Variants in BRINP3 observed in about 807,000 individuals in gnomAD.
BRINP3 encodes BMP/retinoic acid inducible neural specific 3, also known as BMP/retinoic acid-inducible neural-specific protein 3.
In BRINP3, 19 loss-of-function variants were observed where a neutral mutation model predicts 71.0. The ratio of observed to expected loss-of-function variants is 0.27; its 90% confidence interval spans 0.19 to 0.39. The LOEUF (loss-of-function observed/expected upper bound fraction) is 0.39. Ranked by LOEUF, BRINP3 falls within the 10% of genes least tolerant of loss-of-function variation. The pLI is 1.00. For synonymous variants in BRINP3, 380 were observed against 337.7 expected, an observed-to-expected ratio of 1.13 and a Z score of -1.37; for missense variants, 959 against 940.8, an observed-to-expected ratio of 1.02 and a Z score of -0.25.
At chr1:190,199,487 G>A (rs1654793071) in intron 6 of BRINP3, among the ~76,000 whole-genome samples, 1 of 151,940 alleles carries the variant, frequency 6.6e-6, no homozygotes, top group African/African-American at 2.4e-5. Context: ...TCAACCCTTT[G>A]GCTCTAATGG....
At chr1:190,403,507 G>A (rs1672069920) in intron 2 of BRINP3, among the ~76,000 whole-genome samples, 1 of 152,094 alleles carries the variant, frequency 6.6e-6, no homozygotes, top group Non-Finnish European at 1.5e-5. Flanking sequence ...CATTATCTTA[G>A]ATAAAATAAA....
chr1:190,217,670 C>A (rs1165906405), intron 6 of BRINP3, among the ~76,000 whole-genome samples: 1 of 151,952 alleles, frequency 6.6e-6, no homozygotes, highest in Non-Finnish European at 1.5e-5. Flanking sequence ...CTGATTACAG[C>A]AAATAATTCA....
chr1:190,231,563 C>T (rs1015460002), intron 5 of BRINP3, among the ~76,000 whole-genome samples: 5 of 151,664 alleles, frequency 3.3e-5, no homozygotes, highest in Non-Finnish European at 5.9e-5. Context: ...TACTTTCACT[C>T]AGAGGCACCT....
At chr1:190,465,349 T>C (rs1022520099) in intron 1 of BRINP3, among the ~76,000 whole-genome samples, 3 of 151,976 alleles carry the variant, frequency 2.0e-5, no homozygotes, top group African/African-American at 4.8e-5. Context: ...AAAGACTCTT[T>C]TCTGGACCTA....
chr1:190,240,509 C>T (rs1658959890), intron 4 of BRINP3, among the ~76,000 whole-genome samples: 1 of 151,922 alleles, frequency 6.6e-6, no homozygotes, highest in African/African-American at 2.4e-5. Context: ...AAAGCAAAAG[C>T]ACTGTTTCCC....
At chr1:190,113,415 GA>G (rs1652857190) in intron 7 of BRINP3, among the ~76,000 whole-genome samples, 1 of 152,044 alleles carries the variant, frequency 6.6e-6, no homozygotes, top group Non-Finnish European at 1.5e-5. Flanking sequence ...ATAAAGTTCT[GA>G]AACAACTTGT....
chr1:190,392,845 C>T (rs1671336746), intron 2 of BRINP3, among the ~76,000 whole-genome samples: 1 of 151,544 alleles, frequency 6.6e-6, no homozygotes, highest in African/African-American at 2.4e-5. Context: ...TTAGCATTCT[C>T]TTTTTTACAT....
At chr1:190,399,279 T>C (rs1309961835) in intron 2 of BRINP3, among the ~76,000 whole-genome samples, 7 of 151,652 alleles carry the variant, frequency 4.6e-5, no homozygotes, top group African/African-American at 1.7e-4. Context: ...AAAACAACAG[T>C]AGTATACTTT....
At chr1:190,392,248 G>A (rs1007993157) in intron 2 of BRINP3, among the ~76,000 whole-genome samples, 2 of 151,536 alleles carry the variant, frequency 1.3e-5, no homozygotes, top group Admixed American at 1.3e-4. Flanking sequence ...CAAACTGGAC[G>A]GTTGTTGCCT....
chr1:190,273,748 C>T (rs1185645919), intron 3 of BRINP3, among the ~76,000 whole-genome samples: 1 of 151,470 alleles, frequency 6.6e-6, no homozygotes, highest in East Asian at 1.9e-4. Context: ...TTACTTCTCA[C>T]TTGGATTTTC....
At chr1:190,320,638 C>T (rs773182162) in intron 2 of BRINP3, among the ~76,000 whole-genome samples, 7 of 151,972 alleles carry the variant, frequency 4.6e-5, no homozygotes, top group Non-Finnish European at 1.0e-4. Context: ...CTGGACAGGA[C>T]ACCATTCCAT....
intron 7 of BRINP3, among the ~76,000 whole-genome samples, chr1:190,138,681 G>A (rs1158016265): frequency 6.6e-6 from 1 of 152,180 alleles, no homozygotes; most frequent in Non-Finnish European, 1.5e-5. Flanking sequence ...TCCACCTGCA[G>A]AGTTGCAGAA....
At chr1:190,336,523 GA>G (rs1186950087) in intron 2 of BRINP3, among the ~76,000 whole-genome samples, 1 of 151,896 alleles carries the variant, frequency 6.6e-6, no homozygotes, top group Non-Finnish European at 1.5e-5. Flanking sequence ...TTCCACTCAA[GA>G]AAACGTAAAT....
At chr1:190,444,931 AT>A (rs1247200626) in intron 2 of BRINP3, among the ~76,000 whole-genome samples, 2 of 152,128 alleles carry the variant, frequency 1.3e-5, no homozygotes, top group African/African-American at 4.8e-5. Context: ...CCTTTGTGTA[AT>A]TTTTTTCAAC....
Position 190,144,736 on chromosome 1 carries a change from CTT to C in BRINP3, c.1184+15930_1184+15931del, listed in dbSNP as rs1478241906. Among the ~76,000 whole-genome samples, 3 of 152,146 alleles carry C rather than the reference CTT, an allele frequency of 2.0e-5. No homozygotes were observed. In the East Asian group the frequency reaches 5.8e-4, roughly 29 times the overall value. ...ACTTTCCAAAATGGGTATTTTATCA[CTT>C]TTCCCAATGATCTGTCAGTCATCCC... On this transcript the variant is annotated intron_variant, in intron 7 of 7. Coordinates refer to ENST00000367462, the MANE Select transcript of BRINP3 (RefSeq NM_199051.3).
At chr1:190,143,120 T>G (rs1249568171) in intron 7 of BRINP3, among the ~76,000 whole-genome samples, 1 of 152,166 alleles carries the variant, frequency 6.6e-6, no homozygotes, top group Non-Finnish European at 1.5e-5. Context: ...AACATAGAAC[T>G]ATACATCAGC....
intron 6 of BRINP3, among the ~76,000 whole-genome samples, chr1:190,210,464 A>G (rs886883309): frequency 6.6e-6 from 1 of 152,116 alleles, no homozygotes; most frequent in East Asian, 1.9e-4. Flanking sequence ...AATACAAACT[A>G]TATTAGACAA....
intron 2 of BRINP3, among the ~76,000 whole-genome samples, chr1:190,422,658 A>AT (rs558958432): frequency 8.2e-4 from 125 of 151,958 alleles, no homozygotes; most frequent in African/African-American, 3.0e-3. Context: ...ATACTGGTTT[A>AT]TCACAAAAGG....
In BRINP3 at chr1:190,296,037, T is replaced by TTTTG. The variant is rs201317296; in HGVS notation, c.237-14291_237-14288dup. Among the ~76,000 whole-genome samples, 563 of 150,376 alleles carry TTTTG rather than the reference T, an allele frequency of 3.7e-3. 9 individuals are homozygous for TTTTG. The highest frequency in any genetic ancestry group is 0.034 in the Admixed American group (505 of 15,068). ...GATCTGGCTCCTCATTTGTCTATAT[T>TTTTG]TTTGTTTGTTTGTTTGTTTGCTTTT... is the stretch of plus-strand genomic sequence containing the variant. On this transcript the variant is annotated intron_variant, in intron 2 of 7. Coordinates refer to ENST00000367462, the MANE Select transcript of BRINP3 (RefSeq NM_199051.3).
Sources: gnomAD v4.1 joint callset for allele counts (sites outside exome capture counted in the v4.1 genomes callset) on GRCh38, gnomAD v4.1.1 for gene constraint, MANE v1.5 for transcripts, NCBI Gene and HGNC (gene_info 2026-07-23, HGNC 2026-07-21) for gene names.